Variants in GLIS3 observed in about 807,000 individuals in gnomAD.
GLIS3 encodes zinc finger protein GLIS3.
Under a neutral mutation model 78.6 loss-of-function variants are expected in GLIS3, and 53 were observed. The ratio of observed to expected loss-of-function variants is 0.67; its 90% CI spans 0.54 to 0.85. The LOEUF (loss-of-function observed/expected upper bound fraction) is 0.85, where lower values mean the gene tolerates loss of function less well. Ranked by LOEUF, GLIS3 falls within the 40% of genes least tolerant of loss-of-function variation. The probability of loss-of-function intolerance (pLI) is 0.00; values close to 1 mark genes in which losing one functional copy is unlikely to be tolerated. For missense variants in GLIS3, 1,703 were observed against 1,231.1 expected, an observed-to-expected ratio of 1.38 and a Z score of -5.74; for synonymous variants, 684 against 509.9, an observed-to-expected ratio of 1.34 and a Z score of -4.60.
At chr9:4,239,493 A>C (rs951747350) in intron 2 of GLIS3, among the ~76,000 whole-genome samples, 1 of 152,164 alleles carries the variant, frequency 6.6e-6, no homozygotes, top group African/African-American at 2.4e-5. Flanking sequence ...AGCAAACTCT[A>C]CTTCATCATT....
intron 8 of GLIS3, among the ~76,000 whole-genome samples, chr9:3,861,274 G>T (rs186648567): frequency 2.1e-4 from 32 of 152,160 alleles, no homozygotes; most frequent in Middle Eastern, 3.4e-3. Context: ...AAACACTAAG[G>T]CTCAACAGAA....
At chr9:4,338,371 CACACACACACACACACAT>C (rs1316707694) in intron 2 of GLIS3, among the ~76,000 whole-genome samples, 1 of 124,002 alleles carries the variant, frequency 8.1e-6, no homozygotes, top group Non-Finnish European at 1.7e-5. Context: ...TGTGTGTACA[CACACACACACACACACAT>C]ACACACACAC....
chr9:4,448,376 G>A, the GLIS3 span, among the ~76,000 whole-genome samples: 8 of 152,192 alleles, frequency 5.3e-5, no homozygotes, highest in Non-Finnish European at 1.2e-4. Context: ...CCATGCTTGT[G>A]AGCACAGAGG....
intron 6 of GLIS3, among the ~76,000 whole-genome samples, chr9:3,908,706 G>GTTTTTTGTTTT (rs1823893662): frequency 2.3e-5 from 2 of 85,550 alleles, no homozygotes; most frequent in Admixed American, 1.5e-4. Context: ...ATTTGTATTT[G>GTTTTTTGTTTT]TTTTTTTTTT....
At chr9:3,944,105 G>T (rs186520893) in intron 4 of GLIS3, among the ~76,000 whole-genome samples, 240 of 152,198 alleles carry the variant, frequency 1.6e-3, no homozygotes, top group African/African-American at 4.5e-3. Flanking sequence ...TTTAACATTT[G>T]GGTCATGAGG....
the GLIS3 span, among the ~76,000 whole-genome samples, chr9:4,375,847 G>C: frequency 6.6e-6 from 1 of 152,078 alleles, no homozygotes; most frequent in African/African-American, 2.4e-5. Flanking sequence ...CTCCTGTCGT[G>C]ATAGTAAGTC....
chr9:4,134,691 T>A (rs1012588149), intron 2 of GLIS3, among the ~76,000 whole-genome samples: 1 of 152,212 alleles, frequency 6.6e-6, no homozygotes, highest in African/African-American at 2.4e-5. Context: ...ATGGGGAGAA[T>A]GATTATCTAA....
At chr9:4,273,066 T>A (rs1487849644) in intron 2 of GLIS3, among the ~76,000 whole-genome samples, 2 of 152,216 alleles carry the variant, frequency 1.3e-5, no homozygotes, top group African/African-American at 4.8e-5. Flanking sequence ...ATATAGAGCT[T>A]TTACGGTTCT....
intron 2 of GLIS3, among the ~76,000 whole-genome samples, chr9:4,247,341 T>C (rs1045024563): frequency 3.9e-5 from 6 of 152,194 alleles, no homozygotes; most frequent in Non-Finnish European, 4.4e-5. Flanking sequence ...AATAATCTCA[T>C]GGTAAAAAGA....
intron 4 of GLIS3, among the ~76,000 whole-genome samples, chr9:4,067,982 C>A (rs749583421): frequency 2.0e-5 from 3 of 151,906 alleles, no homozygotes; most frequent in Non-Finnish European, 4.4e-5. Context: ...TAGAAAAAGT[C>A]CTCAGAATAT....
intron 2 of GLIS3, among the ~76,000 whole-genome samples, chr9:4,268,189 T>C (rs368741638): frequency 4.1e-4 from 62 of 152,166 alleles, no homozygotes; most frequent in African/African-American, 1.3e-3. Flanking sequence ...AATTACTCAG[T>C]TACACCTTAG....
intron 2 of GLIS3, among the ~76,000 whole-genome samples, chr9:4,226,367 G>A (rs1001423959): frequency 2.0e-5 from 3 of 151,934 alleles, no homozygotes; most frequent in African/African-American, 4.8e-5. Context: ...TCAGTATTTC[G>A]CATGTTGTCA....
chr9:3,858,082 G>C (rs10814701), intron 8 of GLIS3, among the ~76,000 whole-genome samples: 62,734 of 151,948 alleles, frequency 0.41, 13,351 homozygotes, highest in South Asian at 0.48. Flanking sequence ...GTCATTGCTG[G>C]TGTCCCAGTT....
At chr9:3,832,421 C>T (rs1360815797) in intron 9 of GLIS3, among the ~76,000 whole-genome samples, 1 of 152,142 alleles carries the variant, frequency 6.6e-6, no homozygotes, top group Non-Finnish European at 1.5e-5. Context: ...GTGGAATCTT[C>T]AACAGTTTTG....
chr9:4,156,906 G>A (rs1835085597), intron 2 of GLIS3, among the ~76,000 whole-genome samples: 1 of 152,108 alleles, frequency 6.6e-6, no homozygotes, highest in Non-Finnish European at 1.5e-5. Flanking sequence ...GCATCATCCT[G>A]GAGCTTGTCA....
the GLIS3 span, among the ~76,000 whole-genome samples, chr9:4,366,125 G>A: frequency 6.6e-6 from 1 of 152,286 alleles, no homozygotes; most frequent in South Asian, 2.1e-4. Flanking sequence ...CAGTGAGATA[G>A]GACAGAGGAT....
intron 4 of GLIS3, among the ~76,000 whole-genome samples, chr9:3,967,028 A>AAC (rs1554660133): frequency 9.1e-5 from 13 of 142,094 alleles, no homozygotes; most frequent in African/African-American, 3.7e-4. Context: ...AAAAAAAAAA[A>AAC]AAAAACAAAA....
At chr9:4,282,420 G>C (rs1360712279) in intron 2 of GLIS3, among the ~76,000 whole-genome samples, 1 of 152,208 alleles carries the variant, frequency 6.6e-6, no homozygotes, top group East Asian at 1.9e-4. Flanking sequence ...CAGCCCATCA[G>C]TTGAAGTCCT....
At chr9:3,983,088 T>C (rs939339054) in intron 4 of GLIS3, among the ~76,000 whole-genome samples, 6 of 152,162 alleles carry the variant, frequency 3.9e-5, no homozygotes, top group Non-Finnish European at 8.8e-5. Context: ...CTCCCATAAC[T>C]CCAATGTGTC....
Sources: gnomAD v4.1 joint callset for allele counts (sites outside exome capture counted in the v4.1 genomes callset) on GRCh38, gnomAD v4.1.1 for gene constraint, MANE v1.5 for transcripts, NCBI Gene and HGNC (gene_info 2026-07-23, HGNC 2026-07-21) for gene names.